The following PXDN variants were observed in gnomAD, a reference collection of about 807,000 sequenced individuals.
PXDN encodes peroxidasin, also known as peroxidasin homolog.
In PXDN, 77 loss-of-function variants were observed where a neutral mutation model predicts 140.3. The ratio of observed to expected loss-of-function variants is 0.55; its 90% CI spans 0.46 to 0.66. The LOEUF (loss-of-function observed/expected upper bound fraction) is 0.66. PXDN is among the 30% of genes least tolerant of loss of function. The pLI, the probability that PXDN is intolerant of heterozygous loss-of-function variation, is 0.00. For synonymous variants in PXDN, 911 were observed against 857.4 expected, an observed-to-expected ratio of 1.06 and a Z score of -1.09; for missense variants, 1,838 against 2,039.5, an observed-to-expected ratio of 0.90 and a Z score of 1.90.
intron 22 of PXDN, 57 bp downstream of exon 22, chr2:1,635,350 TG>T: frequency 6.9e-7 from 1 of 1,451,296 alleles, no homozygotes. Flanking sequence ...AGTGGTCACA[TG>T]GGACTCTCGG....
chr2:1,705,362 C>T, intron 1 of PXDN, among the ~76,000 whole-genome samples: 1 of 152,100 alleles, frequency 6.6e-6, no homozygotes, highest in East Asian at 1.9e-4. Context: ...CAGGGTGCGG[C>T]TCCCCACGAC....
chr2:1,720,724 TCACA>T (rs1221326586), intron 1 of PXDN, among the ~76,000 whole-genome samples: 227 of 28,164 alleles, frequency 8.1e-3, no homozygotes, highest in Middle Eastern at 0.038. Context: ...TCTCTCTCTC[TCACA>T]CACACACACA....
chr2:1,649,231 A>T lies in PXDN; in HGVS notation c.2549T>A (p.Val850Glu), dbSNP rs1351554869. ...RFSDGQHCSN[V>E]CSNDPPCFSV... ...GAAGCAGGGGGGGTCGTTGCTGCACACGTTGCTGCAGTGCTGTCCGTCGGA... is the reference window on the plus strand; with the variant it reads ...GAAGCAGGGGGGGTCGTTGCTGCACTCGTTGCTGCAGTGCTGTCCGTCGGA... Residue 850 changes from valine to glutamate, a missense_variant, in exon 17 of 23, where the codon GTG becomes GAG. Val to Glu is a moderately radical substitution (Grantham distance 121). Transcript: ENST00000252804. The surrounding 1 kb of genome is among the most constrained non-coding windows in gnomAD (Gnocchi z 7.1). The T allele has an allele frequency of 1.9e-6, 3 of 1,612,862 alleles. No homozygotes were observed. The highest frequency in any genetic ancestry group is 1.7e-5 in the Admixed American group (1 of 59,932).
chr2:1,696,319 G>C (rs4853764), intron 1 of PXDN, among the ~76,000 whole-genome samples: 134,724 of 152,226 alleles, frequency 0.89, 60,052 homozygotes, highest in Middle Eastern at 0.95. Flanking sequence ...CATTTCACAA[G>C]CTGCTCACAG....
At chr2:1,711,612 CCCA>C (rs1213046647) in intron 1 of PXDN, among the ~76,000 whole-genome samples, 2 of 141,196 alleles carry the variant, frequency 1.4e-5, no homozygotes, top group African/African-American at 2.8e-5. Flanking sequence ...TCCACCAGCA[CCCA>C]CTCTCCACCA....
intron 12 of PXDN, among the ~76,000 whole-genome samples, chr2:1,662,974 C>T (rs539282513): frequency 3.3e-5 from 5 of 152,350 alleles, no homozygotes; most frequent in East Asian, 1.9e-4. Context: ...CATGCTAACA[C>T]TGGAGTTAGC....
chr2:1,656,271 T>C (rs906312525), intron 14 of PXDN, among the ~76,000 whole-genome samples: 4 of 152,234 alleles, frequency 2.6e-5, no homozygotes, highest in Non-Finnish European at 4.4e-5. Context: ...CCCTAGTTGA[T>C]ACTTTACCAA....
In PXDN at chr2:1,673,698, G is replaced by A. The variant is rs760903837; in HGVS notation, c.963C>T (p.Asn321=). Reference sequence around the variant, plus strand: ...CTTGCGTCTTCACCTCTCCGGCCACGTTCTTTGCCATGCACTGGTAGATAC... The same window carrying A: ...CTTGCGTCTTCACCTCTCCGGCCACATTCTTTGCCATGCACTGGTAGATAC... ...DQGIYQCMAK[N]VAGEVKTQEV... Residue 321 remains asparagine (N), a synonymous_variant, in exon 9 of 23, where the codon AAC becomes AAT. Transcript: ENST00000252804. The A allele has an allele frequency of 5.6e-6, 9 of 1,613,868 alleles. No homozygotes were observed. Among genetic ancestry groups the A allele is most frequent in the African/African-American group, 4.0e-5 (3 of 74,924 alleles).
At chr2:1,680,385 G>A (rs1167402833) in intron 6 of PXDN, 23 bp from the exon 7 acceptor site, 19 of 1,613,242 alleles carry the variant, frequency 1.2e-5, no homozygotes, top group East Asian at 4.5e-5. Flanking sequence ...AGATGCAGCC[G>A]GTGAGACATG....
In PXDN at chr2:1,687,742, A is replaced by G. The variant is rs1284537142; in HGVS notation, c.345-39T>C. The G allele has an allele frequency of 7.0e-7, 1 of 1,421,428 alleles. No individual in the cohort carries two copies. The allele number at this position is 1,421,428 out of a possible 1,614,324, so 88.1% of individuals were successfully genotyped here. A position where few individuals can be genotyped will look rare whatever the true frequency, so the allele number is the denominator to read the frequency against. ...CATTGGGGAGCATTAGCACACAGAC[A>G]GGAGGTCAAACTTCAGACGGAAAAG... On this transcript the variant is annotated intron_variant, in intron 3 of 22. Transcript: ENST00000252804. This position sits in a 1 kb window ranked among gnomAD's most constrained non-coding sequence, Gnocchi z 4.0.
chr2:1,661,306 G>A (rs1198531779), intron 13 of PXDN, among the ~76,000 whole-genome samples: 4 of 152,196 alleles, frequency 2.6e-5, no homozygotes, highest in Non-Finnish European at 4.4e-5. Flanking sequence ...CCACAATGAG[G>A]AGAAGAGGCA....
chr2:1,718,615 TTAACCTACTCCAC>T (rs1418462237), intron 1 of PXDN, among the ~76,000 whole-genome samples: 1 of 151,592 alleles, frequency 6.6e-6, no homozygotes, highest in Non-Finnish European at 1.5e-5. Flanking sequence ...ACCTACTCTT[TTAACCTACTCCAC>T]TAACCTACCA....
chr2:1,640,197 G>A (rs72493305), intron 19 of PXDN, among the ~76,000 whole-genome samples: 33,500 of 150,814 alleles, frequency 0.22, 4,401 homozygotes, highest in South Asian at 0.31. Context: ...CCTCAGTGCC[G>A]TGTCCCACCT....
chr2:1,710,800 C>A (rs1408877791), intron 1 of PXDN, among the ~76,000 whole-genome samples: 1 of 56,294 alleles, frequency 1.8e-5, no homozygotes. Context: ...CCCACTCCAC[C>A]AGCACCCACT....
At chr2:1,709,722 A>C (rs565338553) in intron 1 of PXDN, among the ~76,000 whole-genome samples, 8 of 152,294 alleles carry the variant, frequency 5.3e-5, no homozygotes, top group African/African-American at 1.7e-4. Context: ...GAGGCCACGC[A>C]CTTTAGATGA....
At chr2:1,732,221 A>G (rs1217124548) in intron 1 of PXDN, among the ~76,000 whole-genome samples, 1 of 152,184 alleles carries the variant, frequency 6.6e-6, no homozygotes, top group African/African-American at 2.4e-5. Flanking sequence ...AAGAGAGAAG[A>G]CAACGCTGAG....
Position 1,714,881 on chromosome 2 carries a change from C to G in PXDN, c.201-21747G>C, listed in dbSNP as rs1325393282. Among the ~76,000 whole-genome samples, 1 of 152,144 alleles carries G rather than the reference C, an allele frequency of 6.6e-6. No homozygotes were observed. Among genetic ancestry groups the G allele is most frequent in the South Asian group, 2.1e-4 (1 of 4,824 alleles). On this transcript the variant is annotated intron_variant, in intron 1 of 22. Coordinates refer to ENST00000252804, the MANE Select transcript of PXDN (RefSeq NM_012293.3). The surrounding 1 kb of genome is among the most constrained non-coding windows in gnomAD (Gnocchi z 4.3). ...CCCTCTCCAGGCTCTGGGAGCCTGG[C>G]CTGGCGCCCTGTCTTGCTCACCCTG...
chr2:1,677,291 G>C (rs1350107182), intron 7 of PXDN, among the ~76,000 whole-genome samples: 1 of 152,228 alleles, frequency 6.6e-6, no homozygotes, highest in Admixed American at 6.5e-5. Context: ...GGCTGGCTCA[G>C]AGTTGGGCAG....
intron 1 of PXDN, among the ~76,000 whole-genome samples, chr2:1,693,652 T>C (rs1684232426): frequency 6.6e-6 from 1 of 152,216 alleles, no homozygotes; most frequent in African/African-American, 2.4e-5. Flanking sequence ...ACTGGGAAAA[T>C]AGGCTTTCTC....
Sources: allele counts gnomAD v4.1 joint callset (sites outside exome capture counted in the v4.1 genomes callset), GRCh38; gene constraint gnomAD v4.1.1; non-coding constraint Gnocchi (gnomAD v3.1); transcripts MANE v1.5; gene names NCBI Gene and HGNC (gene_info 2026-07-23, HGNC 2026-07-21).